MAP2: variants seen among roughly 807,000 people sequenced by gnomAD.
MAP2 encodes the protein microtubule associated protein 2, also known as microtubule-associated protein 2.
MAP2 carries 14 observed loss-of-function variants against 137.6 expected under a neutral mutation model. The observed-to-expected ratio is 0.10, with a 90% CI of 0.07 to 0.16. The LOEUF (loss-of-function observed/expected upper bound fraction) is 0.16. Among genes scored for constraint, MAP2 ranks in the 10% least tolerant of loss-of-function variants. The pLI is 1.00. For synonymous variants in MAP2, 786 were observed against 782.3 expected (o/e 1.00, Z -0.08); for missense variants, 2,088 against 2,191.5 (o/e 0.95, Z 0.94).
chr2:209,432,898 G>C (rs973854468), intron 1 of MAP2, among the ~76,000 whole-genome samples: 2 of 152,060 alleles, frequency 1.3e-5, no homozygotes, highest in Non-Finnish European at 2.9e-5. Flanking sequence ...TTATTTGGTG[G>C]TCTGAAATTT....
intron 3 of MAP2, among the ~76,000 whole-genome samples, chr2:209,621,598 T>C (rs2091214369): frequency 1.3e-5 from 2 of 152,048 alleles, no homozygotes; most frequent in African/African-American, 2.4e-5. Flanking sequence ...AAACATGAGA[T>C]TTAAAAACTA....
chr2:209,586,537 C>T (rs1405875725), intron 3 of MAP2, among the ~76,000 whole-genome samples: 1 of 152,018 alleles, frequency 6.6e-6, no homozygotes, highest in Non-Finnish European at 1.5e-5. Context: ...ATGGAACTTT[C>T]CTTCTAGAGA....
intron 1 of MAP2, among the ~76,000 whole-genome samples, chr2:209,505,871 C>G (rs1055302058): frequency 1.2e-4 from 18 of 151,968 alleles, no homozygotes; most frequent in African/African-American, 4.3e-4. Flanking sequence ...ACTACGGAGG[C>G]TGAGGTGGGA....
chr2:209,733,826 C>G lies in MAP2; in HGVS notation c.*3429C>G, dbSNP rs777869493. The G allele has an allele frequency of 2.6e-5, 4 of 152,326 alleles. No homozygotes were observed. The highest frequency in any genetic ancestry group is 4.4e-5 in the Non-Finnish European group (3 of 67,980). The allele number at this position is 152,326 out of a possible 1,614,324, so 9.4% of individuals were successfully genotyped here. A position where few individuals can be genotyped will look rare whatever the true frequency, so the allele number is the denominator to read the frequency against. On this transcript the variant is annotated 3_prime_UTR_variant, in exon 16 of 16. Transcript: ENST00000682079. ...CTCTCTGCAGGAAAAAGCTTATTTTCAAACTCAGAAAATAAAATGTCAATC... is the reference window on the plus strand; with the variant it reads ...CTCTCTGCAGGAAAAAGCTTATTTTGAAACTCAGAAAATAAAATGTCAATC...
At chr2:209,607,522 C>A (rs1014438167) in intron 3 of MAP2, among the ~76,000 whole-genome samples, 1 of 152,188 alleles carries the variant, frequency 6.6e-6, no homozygotes, top group South Asian at 2.1e-4. Context: ...GCAACCGCTG[C>A]CTCCTGGTTT....
chr2:209,709,496 C>T (rs951735014), intron 12 of MAP2, among the ~76,000 whole-genome samples: 3 of 152,034 alleles, frequency 2.0e-5, no homozygotes, highest in African/African-American at 7.2e-5. Context: ...GAATTTACTA[C>T]ATAGAGGAAT....
chr2:209,699,689 AT>A (rs2061259448), intron 10 of MAP2, among the ~76,000 whole-genome samples: 1 of 152,034 alleles, frequency 6.6e-6, no homozygotes, highest in Non-Finnish European at 1.5e-5. Flanking sequence ...TTGACAAGCT[AT>A]TTTTCTTCCC....
Position 209,653,512 on chromosome 2 carries a change from G to T in MAP2, c.262+80G>T, listed in dbSNP as rs957780068. 1.0e-5 allele frequency: 14 copies of T among 1,396,754 alleles called. No individual in the cohort carries two copies. In the African/African-American group the frequency reaches 1.9e-4, roughly 19 times the overall value. The allele number at this position is 1,396,754 out of a possible 1,614,324, so 86.5% of individuals were successfully genotyped here. A position where few individuals can be genotyped will look rare whatever the true frequency, so the allele number is the denominator to read the frequency against. On this transcript the variant is annotated intron_variant, in intron 5 of 15. Coordinates refer to ENST00000682079, the MANE Select transcript of MAP2 (RefSeq NM_001375505.1). ...TAGTCTGAAAGTGAATTAATATACA[G>T]CACTGATCCTCTTTCACTAGTGCTA...
At chr2:209,632,039 G>A (rs1196924627) in intron 4 of MAP2, among the ~76,000 whole-genome samples, 2 of 152,190 alleles carry the variant, frequency 1.3e-5, no homozygotes, top group African/African-American at 4.8e-5. Context: ...GAGCAATGAT[G>A]TGATCAAACT....
rs528042626 is a variant in MAP2 at position 209,613,072 on chromosome 2, C to T, written c.-106-11981C>T. 7.2e-5 allele frequency among the ~76,000 whole-genome samples: 11 copies of T among 152,152 alleles called. No individual in the cohort carries two copies. The South Asian group carries it at 1.0e-3, about 14-fold the overall frequency. The stretch of plus-strand genomic sequence containing the variant: ...TTAGATCAGGTTCTCTTACCCCCGC[C>T]GTGCGCATCAGTTGATCTCCAGACA... On this transcript the variant is annotated intron_variant, in intron 3 of 15. Coordinates refer to ENST00000682079, the MANE Select transcript of MAP2 (RefSeq NM_001375505.1).
chr2:209,575,288 A>G (rs560114134), intron 2 of MAP2, among the ~76,000 whole-genome samples: 18 of 151,968 alleles, frequency 1.2e-4, no homozygotes, highest in African/African-American at 2.7e-4. Context: ...TTGGGAGGCC[A>G]AGGCGGGCGG....
At chr2:209,460,923 A>G (rs1702639846) in intron 1 of MAP2, among the ~76,000 whole-genome samples, 1 of 151,754 alleles carries the variant, frequency 6.6e-6, no homozygotes, top group Non-Finnish European at 1.5e-5. Flanking sequence ...TAATTTTTGT[A>G]TTTCTTGTAG....
At chr2:209,705,953 C>G (rs1414233433) in intron 12 of MAP2, among the ~76,000 whole-genome samples, 1 of 152,080 alleles carries the variant, frequency 6.6e-6, no homozygotes, top group Non-Finnish European at 1.5e-5. Context: ...TTATCTAAGA[C>G]TGATATAAAG....
rs529890718 is a variant in MAP2, at chr2:209,425,695, T to C, written c.-222+1419T>C. 2.0e-3 allele frequency among the ~76,000 whole-genome samples: 310 copies of C among 152,328 alleles called. 2 individuals are homozygous for C. Among genetic ancestry groups the C allele is most frequent in the African/African-American group, 7.0e-3 (293 of 41,586 alleles). ...TCTATGTGAGCCACATTATGCAAAA[T>C]GTCCCATGCATGAGCTGCAGGTACC... On this transcript the variant is annotated intron_variant, in intron 1 of 15. Coordinates refer to ENST00000682079, the MANE Select transcript of MAP2 (RefSeq NM_001375505.1).
chr2:209,493,003 G>A (rs1320195366), intron 1 of MAP2, among the ~76,000 whole-genome samples: 1 of 152,080 alleles, frequency 6.6e-6, no homozygotes, highest in Non-Finnish European at 1.5e-5. Context: ...CAAAGCTGGA[G>A]GCATCATGCT....
intron 2 of MAP2, among the ~76,000 whole-genome samples, chr2:209,540,766 T>C (rs1457723727): frequency 6.7e-6 from 1 of 149,260 alleles, no homozygotes; most frequent in Non-Finnish European, 1.5e-5. Context: ...CCAAAGTATC[T>C]AATGCACTTA....
intron 2 of MAP2, among the ~76,000 whole-genome samples, chr2:209,529,917 T>A (rs572807199): frequency 5.6e-4 from 72 of 128,292 alleles, no homozygotes; most frequent in African/African-American, 1.3e-3. Context: ...CATTAATGAT[T>A]GTAGAGGAGA....
intron 3 of MAP2, among the ~76,000 whole-genome samples, chr2:209,623,978 A>G (rs1337580120): frequency 6.6e-6 from 1 of 152,202 alleles, no homozygotes; most frequent in Admixed American, 6.5e-5. Flanking sequence ...TAAATGAGCT[A>G]ACACATGTAA....
chr2:209,708,774 T>A (rs918011153), intron 12 of MAP2, among the ~76,000 whole-genome samples: 2 of 152,176 alleles, frequency 1.3e-5, no homozygotes, highest in African/African-American at 4.8e-5. Flanking sequence ...TAAATGAAAT[T>A]TGCATGCTTA....
Sources: allele counts gnomAD v4.1 joint callset (sites outside exome capture counted in the v4.1 genomes callset), GRCh38; gene constraint gnomAD v4.1.1; transcripts MANE v1.5; gene names NCBI Gene and HGNC (gene_info 2026-07-23, HGNC 2026-07-21).